WDR62: variants seen among roughly 807,000 people sequenced by gnomAD.
WDR62 encodes the protein WD repeat-containing protein 62.
In WDR62, 112 loss-of-function variants were observed where a neutral mutation model predicts 160.6. The observed-to-expected ratio is 0.70, with a 90% confidence interval of 0.60 to 0.82. The LOEUF (loss-of-function observed/expected upper bound fraction) is 0.82. Ranked by LOEUF, WDR62 falls within the 40% of genes least tolerant of loss-of-function variation. The pLI is 0.00. For synonymous variants in WDR62, 792 were observed against 815.1 expected (o/e 0.97, Z 0.48); for missense variants, 1,819 against 1,983.8 (o/e 0.92, Z 1.58).
chr19:36,089,780 G>A (rs1972478135), intron 15 of WDR62, among the ~76,000 whole-genome samples: 1 of 152,194 alleles, frequency 6.6e-6, no homozygotes, highest in Non-Finnish European at 1.5e-5. Context: ...GCTCTCCCAA[G>A]CCTGGCCTCC....
chr19:36,067,248 C>T, intron 5 of WDR62, 58 bp from the exon 6 acceptor site: 2 of 1,612,314 alleles, frequency 1.2e-6, no homozygotes, highest in Non-Finnish European at 8.5e-7. Context: ...AGGGCAAAGG[C>T]ACAAACAGTC....
At position 36,104,794 on chromosome 19, in the gene WDR62, C is replaced by G; in HGVS notation, c.4338C>G (p.Thr1446=). Residue 1446 remains threonine (T), a synonymous_variant, in exon 32 of 32, where the codon ACC becomes ACG. Transcript: ENST00000401500. ...TGGTCTCCAGTGGCCAGGTGGACACCGGGCAGCAGCAGGCACGGACTGAGC... is the reference window on the plus strand; with the variant it reads ...TGGTCTCCAGTGGCCAGGTGGACACGGGGCAGCAGCAGGCACGGACTGAGC... The part of the protein sequence containing the change: ...RVLVSSGQVD[T]GQQQARTELV... 6.2e-7 allele frequency: 1 copy of G among 1,613,632 alleles called. No individual in the cohort carries two copies. The highest frequency in any genetic ancestry group is 8.5e-7 in the Non-Finnish European group (1 of 1,180,014).
chr19:36,069,956 C>G (rs1416392692), intron 7 of WDR62, among the ~76,000 whole-genome samples: 2 of 146,832 alleles, frequency 1.4e-5, no homozygotes, highest in South Asian at 4.4e-4. Context: ...CAGTACAGTC[C>G]AGCTTTGGCT....
rs1970563137 is a variant in WDR62, at chr19:36,059,998, G to C, written c.300G>C (p.Glu100Asp). 6.2e-7 allele frequency: 1 copy of C among 1,614,092 alleles called. No homozygotes were observed. Among genetic ancestry groups the C allele is most frequent in the Admixed American group, 1.7e-5 (1 of 60,006 alleles). ...GCVVVILDPK[E>D]NKQQHIFNTA... ...TGGTGGTGATTTTGGACCCCAAGGA[G>C]AACAAGCAGCAGCACATCTTTAACA... The change falls in exon 3 of 32, where the codon GAG becomes GAC. Residue 100 changes from glutamate (E) to aspartate (D), a missense_variant. This residue lies in a region of WDR62 where 934 missense variants were observed against 1,157.2 expected (regional missense o/e 0.81). Coordinates refer to ENST00000401500, the MANE Select transcript of WDR62 (RefSeq NM_001083961.2).
At chr19:36,102,425 T>C (rs1973420325) in intron 26 of WDR62, 5 of 584,936 alleles carry the variant, frequency 8.5e-6, no homozygotes, top group Non-Finnish European at 1.5e-5. Context: ...CACGCCCTGC[T>C]AATTTTTTGT....
Position 36,101,263 on chromosome 19 carries a change from G to T in WDR62, c.2917G>T (p.Asp973Tyr). Residue 973 changes from aspartate to tyrosine, a missense_variant, in exon 24 of 32, where the codon GAC (aspartate) becomes TAC (tyrosine). Asp to Tyr is a radical substitution (Grantham distance 160). Around this residue, in one of 3 missense-constraint regions of WDR62, gnomAD observed 770 missense variants for 734.2 expected, o/e 1.05. Coordinates refer to ENST00000401500, the MANE Select transcript of WDR62 (RefSeq NM_001083961.2). ...GGCCGGGCCTGGAGACCAGCAGGGCGACTCCTACCTCAGGGTGTCCTCCGA... is the reference window on the plus strand; with the variant it reads ...GGCCGGGCCTGGAGACCAGCAGGGCTACTCCTACCTCAGGGTGTCCTCCGA... ...VEAGPGDQQGDSYLRVSSDSP... is the reference protein window; with the variant it reads ...VEAGPGDQQGYSYLRVSSDSP... 6.2e-7 allele frequency: 1 copy of T among 1,613,128 alleles called. No individual in the cohort carries two copies. The highest frequency in any genetic ancestry group is 8.5e-7 in the Non-Finnish European group (1 of 1,179,840).
chr19:36,087,776 T>G (rs4806268), intron 13 of WDR62, among the ~76,000 whole-genome samples: 91,358 of 151,314 alleles, frequency 0.6, 27,858 homozygotes, highest in African/African-American at 0.69. Flanking sequence ...CCAAAATTGT[T>G]TCACTGCACT....
intron 9 of WDR62, among the ~76,000 whole-genome samples, chr19:36,079,285 T>C (rs961837836): frequency 6.6e-6 from 1 of 152,076 alleles, no homozygotes; most frequent in African/African-American, 2.4e-5. Flanking sequence ...CTCATTATAC[T>C]GCCCAGGCTT....
At chr19:36,071,930 GAAAAC>G (rs1328910326) in intron 8 of WDR62, among the ~76,000 whole-genome samples, 2 of 152,234 alleles carry the variant, frequency 1.3e-5, no homozygotes, top group Non-Finnish European at 2.9e-5. Flanking sequence ...GAAACAGTGA[GAAAAC>G]AAAGGAATAA....
chr19:36,067,352 C>A lies in WDR62; in HGVS notation c.608C>A (p.Ala203Asp). 1.2e-6 allele frequency: 2 copies of A among 1,614,162 alleles called. No individual in the cohort carries two copies. The highest frequency in any genetic ancestry group is 8.5e-7 in the Non-Finnish European group (1 of 1,179,982). ...ASNKVSCRVI[A>D]LSFSEDSSYF... ...AACAAGGTATCTTGTAGAGTCATTG[C>A]CCTCTCCTTCTCAGAGGACAGCAGC... Residue 203 changes from alanine to aspartate, a missense_variant, in exon 6 of 32, where the codon GCC (alanine) becomes GAC (aspartate). Physicochemically the swap from Ala to Asp is moderately radical, Grantham distance 126. Transcript: ENST00000401500.
At position 36,067,344 on chromosome 19, in the gene WDR62, A is replaced by C. The variant is rs765813090; in HGVS notation, c.600A>C (p.Arg200Ser). The change falls in exon 6 of 32, where the codon AGA (arginine) becomes AGC (serine). Residue 200 changes from arginine to serine, a missense_variant. Around this residue, in one of 3 missense-constraint regions of WDR62, gnomAD observed 934 missense variants for 1,157.2 expected, o/e 0.81. Coordinates refer to ENST00000401500, the MANE Select transcript of WDR62 (RefSeq NM_001083961.2). ...IVVASNKVSC[R>S]VIALSFSEDS... Reference sequence around the variant, plus strand: ...TGGCCTCCAACAAGGTATCTTGTAGAGTCATTGCCCTCTCCTTCTCAGAGG... The same window carrying C: ...TGGCCTCCAACAAGGTATCTTGTAGCGTCATTGCCCTCTCCTTCTCAGAGG... 1 of 1,614,174 alleles carries C rather than the reference A, an allele frequency of 6.2e-7. No homozygotes were observed. The highest frequency in any genetic ancestry group is 8.5e-7 in the Non-Finnish European group (1 of 1,180,026).
rs373749436 is a variant in WDR62, at chr19:36,059,651, T to C, written c.270-317T>C. On this transcript the variant is annotated intron_variant, in intron 2 of 31. Coordinates refer to ENST00000401500, the MANE Select transcript of WDR62 (RefSeq NM_001083961.2). ...GATCTCACTCTGTCGCCCAGGCTGG[T>C]CTAAAACTCCTGAGCTCAAGTGATC... is the stretch of plus-strand genomic sequence containing the variant. 1.8e-3 allele frequency among the ~76,000 whole-genome samples: 281 copies of C among 152,152 alleles called. 3 individuals are homozygous for C. The highest frequency in any genetic ancestry group is 6.6e-3 in the African/African-American group (274 of 41,496).
intron 10 of WDR62, among the ~76,000 whole-genome samples, chr19:36,082,095 A>T (rs1971934122): frequency 6.6e-6 from 1 of 152,216 alleles, no homozygotes; most frequent in African/African-American, 2.4e-5. Flanking sequence ...TATTCTGCAG[A>T]CACTTATTAA....
Position 36,102,928 on chromosome 19 carries a change from C to A in WDR62, c.3336-20C>A. ...GGGCAGGCTGAATGAGAATCATCCC[C>A]CCTGCTCTCCTCCCCACAGGTTCAC... On this transcript the variant is annotated intron_variant, in intron 27 of 31. Transcript: ENST00000401500. 6.2e-7 allele frequency: 1 copy of A among 1,614,160 alleles called. No individual in the cohort carries two copies. The highest frequency in any genetic ancestry group is 8.5e-7 in the Non-Finnish European group (1 of 1,180,026).
chr19:36,100,024 G>A (rs561301291), intron 22 of WDR62, among the ~76,000 whole-genome samples: 1 of 152,334 alleles, frequency 6.6e-6, no homozygotes, highest in South Asian at 2.1e-4. Context: ...GCCAAGGCAG[G>A]AGGATTACTT....
In WDR62 at chr19:36,103,862, G is replaced by A. The variant is rs774129490; in HGVS notation, c.4034G>A (p.Arg1345His). 3.0e-5 allele frequency: 48 copies of A among 1,602,612 alleles called. No homozygotes were observed. The highest frequency in any genetic ancestry group is 1.3e-4 in the Admixed American group (8 of 59,986). The change falls in exon 30 of 32, where the codon CGC becomes CAC. Residue 1345 changes from arginine (R) to histidine (H), a missense_variant. Arg to His is a conservative substitution (Grantham distance 29). This residue lies in a region of WDR62 where 770 missense variants were observed against 734.2 expected (regional missense o/e 1.05). Coordinates refer to ENST00000401500, the MANE Select transcript of WDR62 (RefSeq NM_001083961.2). Reference sequence around the variant, plus strand: ...CTGAGGCTCCACGGCTCTGCCTTTCGCCCAAGTCTCCCAGCTCCTGAGTCC... The same window carrying A: ...CTGAGGCTCCACGGCTCTGCCTTTCACCCAAGTCTCCCAGCTCCTGAGTCC... ...SALRLHGSAF[R>H]PSLPAPESPG...
At chr19:36,086,005 G>A (rs1202417363) in intron 12 of WDR62, among the ~76,000 whole-genome samples, 1 of 152,146 alleles carries the variant, frequency 6.6e-6, no homozygotes, top group East Asian at 2.0e-4. Flanking sequence ...TTCTAGGCTG[G>A]GCACGGTGGC....
rs202196160 is a variant in WDR62 at position 36,103,314 on chromosome 19, G to A, written c.3515-29G>A. 24 of 1,613,186 alleles carry A rather than the reference G, an allele frequency of 1.5e-5. No homozygotes were observed. The East Asian group carries it at 3.8e-4, about 25-fold the overall frequency. The stretch of plus-strand genomic sequence containing the variant: ...GCCCTAGCCATCAGTTCTGTGTGGT[G>A]GAGTCAGTGCCATCTGCTTCCGTTA... On this transcript the variant is annotated intron_variant, in intron 29 of 31. Coordinates refer to ENST00000401500, the MANE Select transcript of WDR62 (RefSeq NM_001083961.2).
intron 9 of WDR62, among the ~76,000 whole-genome samples, chr19:36,078,535 C>A (rs1971710221): frequency 6.6e-6 from 1 of 151,666 alleles, no homozygotes; most frequent in Non-Finnish European, 1.5e-5. Flanking sequence ...ATATCTTTTA[C>A]CTTCTTTTGA....
Sources: allele counts gnomAD v4.1 joint callset (sites outside exome capture counted in the v4.1 genomes callset), GRCh38; gene constraint gnomAD v4.1.1; regional missense constraint gnomAD v4.1.1; transcripts MANE v1.5; gene names NCBI Gene and HGNC (gene_info 2026-07-23, HGNC 2026-07-21).